The following HECTD4 variants were observed in gnomAD, a reference collection of about 807,000 sequenced individuals.
HECTD4 encodes the protein HECT domain E3 ubiquitin protein ligase 4.
In HECTD4, 114 loss-of-function variants were observed where a neutral mutation model predicts 471.5. That is an observed-to-expected ratio of 0.24 (90% CI 0.21 to 0.28). HECTD4 has a LOEUF of 0.28. HECTD4 is among the 10% of genes least tolerant of loss of function. HECTD4 has a pLI of 1.00. For synonymous variants in HECTD4, 2,012 were observed against 2,256.0 expected (o/e 0.89, Z 3.07); for missense variants, 3,866 against 5,651.5 (o/e 0.68, Z 10.13).
chr12:112,231,351 C>T lies in HECTD4; in HGVS notation c.6200+162G>A, dbSNP rs1023475281. The T allele has an allele frequency of 1.7e-5, 11 of 647,698 alleles. 1 individual carries two copies. The highest frequency in any genetic ancestry group is 7.4e-5 in the South Asian group (4 of 54,296). 40.1% of individuals were successfully genotyped at this position (647,698 alleles called of 1,614,324 possible). On this transcript the variant is annotated intron_variant, in intron 39 of 75. Transcript: ENST00000682272. Reference sequence around the variant, plus strand: ...ATCTACCTGGATGGTCATTACTCCCCGACGTACTCCAGGCTGTACCTTGAG... The same window carrying T: ...ATCTACCTGGATGGTCATTACTCCCTGACGTACTCCAGGCTGTACCTTGAG...
chr12:112,261,373 T>G lies in HECTD4; in HGVS notation c.2805A>C (p.Glu935Asp). The stretch of plus-strand genomic sequence containing the variant: ...TGACCTGCTGTAGCATTTCCAACAC[T>G]TCATCACATCCAGTCAGGATTTGGG... Reference protein sequence around the residue: ...LATQILTGCDEVLEMLQQVTT... With the variant: ...LATQILTGCDDVLEMLQQVTT... The change falls in exon 18 of 76, where the codon GAA becomes GAC. Residue 935 changes from glutamate to aspartate, a missense_variant. Glu to Asp is a conservative substitution (Grantham distance 45). Transcript: ENST00000682272. 1 of 1,611,970 alleles carries G rather than the reference T, an allele frequency of 6.2e-7. No homozygotes were observed. The highest frequency in any genetic ancestry group is 8.5e-7 in the Non-Finnish European group (1 of 1,178,186).
chr12:112,327,112 G>A (rs1406109919), intron 1 of HECTD4, among the ~76,000 whole-genome samples: 3 of 152,162 alleles, frequency 2.0e-5, no homozygotes, highest in Admixed American at 6.5e-5. Context: ...CAGATCATGA[G>A]GTCAAGAGTT....
chr12:112,252,408 G>A lies in HECTD4; in HGVS notation c.3552+16C>T, dbSNP rs762244504. 4.5e-5 allele frequency: 71 copies of A among 1,579,418 alleles called. 1 individual carries two copies. In the South Asian group the frequency reaches 8.2e-4, roughly 18 times the overall value. On this transcript the variant is annotated intron_variant, in intron 23 of 75. Transcript: ENST00000682272. ...GATAGTACATTTTGTCCACGGCAGTGGTTAGATTCAAGTACCTGAGCGCGA... is the reference window on the plus strand; with the variant it reads ...GATAGTACATTTTGTCCACGGCAGTAGTTAGATTCAAGTACCTGAGCGCGA...
At chr12:112,343,556 G>A (rs923906146) in intron 1 of HECTD4, among the ~76,000 whole-genome samples, 2 of 152,114 alleles carry the variant, frequency 1.3e-5, no homozygotes, top group Non-Finnish European at 2.9e-5. Flanking sequence ...GATCACTTGA[G>A]GTGAGGAATT....
At position 112,312,766 on chromosome 12, in the gene HECTD4, T is replaced by C. The variant is rs554256491; in HGVS notation, c.916+251A>G. Reference sequence around the variant, plus strand: ...TCCAGCAGCCAATTTAAGTAATTCATGGCTCCTTGGCAAGAGTGTATGGAT... The same window carrying C: ...TCCAGCAGCCAATTTAAGTAATTCACGGCTCCTTGGCAAGAGTGTATGGAT... On this transcript the variant is annotated intron_variant, in intron 4 of 75. Transcript: ENST00000682272. 3.3e-5 allele frequency among the ~76,000 whole-genome samples: 5 copies of C among 152,324 alleles called. No individual in the cohort carries two copies. In the East Asian group the frequency reaches 9.6e-4, roughly 29 times the overall value.
At chr12:112,374,199 C>T (rs1226608137) in intron 1 of HECTD4, among the ~76,000 whole-genome samples, 1 of 151,894 alleles carries the variant, frequency 6.6e-6, no homozygotes, top group African/African-American at 2.4e-5. Context: ...TAGTAGCACA[C>T]CGGTAGTCCC....
chr12:112,208,738 G>A (rs2032668082), intron 50 of HECTD4, 108 bp from the exon 51 acceptor site: 2 of 923,154 alleles, frequency 2.2e-6, no homozygotes, highest in Admixed American at 3.3e-5. Flanking sequence ...ATGATAGGAA[G>A]ACTCCTAGTA....
chr12:112,344,965 G>T (rs2036121897), intron 1 of HECTD4, among the ~76,000 whole-genome samples: 1 of 150,832 alleles, frequency 6.6e-6, no homozygotes, highest in Non-Finnish European at 1.5e-5. Flanking sequence ...GAAGATAAAA[G>T]ATAAGATCAG....
intron 7 of HECTD4, among the ~76,000 whole-genome samples, chr12:112,300,248 G>A (rs1249108611): frequency 2.7e-5 from 4 of 150,262 alleles, no homozygotes; most frequent in African/African-American, 9.8e-5. Flanking sequence ...GGTGGAGGTT[G>A]CAGTGAGCGA....
chr12:112,300,275 T>G (rs1291474559), intron 7 of HECTD4, among the ~76,000 whole-genome samples: 1 of 135,282 alleles, frequency 7.4e-6, no homozygotes, highest in Non-Finnish European at 1.5e-5. Flanking sequence ...GCCACTCCAC[T>G]CCAGCCTGAG....
intron 68 of HECTD4, 117 bp downstream of exon 68, chr12:112,171,000 G>A (rs769116428): frequency 2.8e-4 from 224 of 788,268 alleles, no homozygotes; most frequent in Non-Finnish European, 3.9e-4. Flanking sequence ...AAAGGTTGAG[G>A]TGGGGTGGCA....
At position 112,382,321 on chromosome 12, in the gene HECTD4, C is replaced by T; in HGVS notation, c.-193G>A. On this transcript the variant is annotated 5_prime_UTR_variant, in exon 1 of 76. Transcript: ENST00000682272. ...CCCCCGACCCCGGCCCGGGAGACCC[C>T]GGCCCTGCCGCCGCCGCCGCCGCCG... The T allele has an allele frequency of 4.1e-6, 2 of 483,242 alleles. No homozygotes were observed. The highest frequency in any genetic ancestry group is 6.5e-6 in the Non-Finnish European group (2 of 307,810). 29.9% of individuals were successfully genotyped at this position (483,242 alleles called of 1,614,324 possible).
At chr12:112,322,780 C>T (rs1306492225) in intron 1 of HECTD4, 1 of 153,184 alleles carries the variant, frequency 6.5e-6, no homozygotes, top group African/African-American at 2.4e-5. Flanking sequence ...CAAAGAGCCT[C>T]CAAAAATTGG....
chr12:112,284,107 G>A (rs2034699987), intron 7 of HECTD4, among the ~76,000 whole-genome samples: 1 of 151,990 alleles, frequency 6.6e-6, no homozygotes, highest in Non-Finnish European at 1.5e-5. Context: ...TTAATTCAGA[G>A]GAAGAAGGAT....
chr12:112,192,960 T>TA, intron 58 of HECTD4, 101 bp downstream of exon 58: 1 of 1,432,526 alleles, frequency 7.0e-7, no homozygotes, highest in Admixed American at 1.9e-5. Context: ...TCATTTGCAT[T>TA]AAAGAATCAG....
At chr12:112,345,834 G>T (rs1434615836) in intron 1 of HECTD4, among the ~76,000 whole-genome samples, 2 of 152,216 alleles carry the variant, frequency 1.3e-5, no homozygotes, top group East Asian at 3.8e-4. Flanking sequence ...GGCAGAGCTT[G>T]CAGTGAGCAG....
In HECTD4 at chr12:112,314,489, T is replaced by C. The variant is rs1312802912; in HGVS notation, c.753A>G (p.Leu251=). Residue 251 remains leucine, a synonymous_variant, in exon 3 of 76, where the codon CTA becomes CTG. Coordinates refer to ENST00000682272, the MANE Select transcript of HECTD4 (RefSeq NM_001388303.1). ...TVHLLQKQTD[L]GSLPVADVLY... is the part of the protein sequence containing the mutation. ...GCACATCAGCTACAGGCAGGGACCC[T>C]AGATCCGTCTGTTTCTGTAATAGAT... The C allele has an allele frequency of 1.3e-6, 2 of 1,532,026 alleles. No individual in the cohort carries two copies. Among genetic ancestry groups the C allele is most frequent in the South Asian group, 2.4e-5 (2 of 83,982 alleles). 94.9% of individuals were successfully genotyped at this position (1,532,026 alleles called of 1,614,324 possible).
intron 38 of HECTD4, among the ~76,000 whole-genome samples, chr12:112,232,644 G>T: frequency 6.6e-6 from 1 of 151,852 alleles, no homozygotes; most frequent in Non-Finnish European, 1.5e-5. Context: ...TTTTAATAAG[G>T]TATTTGTAAT....
At chr12:112,338,901 G>C (rs2036005138) in intron 1 of HECTD4, among the ~76,000 whole-genome samples, 1 of 152,072 alleles carries the variant, frequency 6.6e-6, no homozygotes, top group African/African-American at 2.4e-5. Context: ...TCACCAGTGA[G>C]GACAGCACCA....
Sources: allele counts gnomAD v4.1 joint callset (sites outside exome capture counted in the v4.1 genomes callset), GRCh38; gene constraint gnomAD v4.1.1; transcripts MANE v1.5; gene names NCBI Gene and HGNC (gene_info 2026-07-23, HGNC 2026-07-21).